NACC2: variants seen among roughly 807,000 people sequenced by gnomAD.
NACC2 encodes the protein NACC family member 2.
In NACC2, 8 loss-of-function variants were observed where a neutral mutation model predicts 25.1. That is an observed-to-expected ratio of 0.32 (90% CI 0.19 to 0.57). NACC2 has a LOEUF of 0.57. Among genes scored for constraint, NACC2 ranks in the 20% least tolerant of loss-of-function variants. NACC2 has a pLI of 0.89. For missense variants in NACC2, 644 were observed against 650.2 expected (o/e 0.99, Z 0.10); for synonymous variants, 435 against 294.7 (o/e 1.48, Z -4.88).
intron 2 of NACC2, among the ~76,000 whole-genome samples, chr9:136,045,645 C>T (rs1840711816): frequency 6.6e-6 from 1 of 152,190 alleles, no homozygotes; most frequent in South Asian, 2.1e-4. Context: ...ACTACCCCTT[C>T]CCTCTGCGAG....
chr9:136,013,155 C>G lies in NACC2; in HGVS notation c.1255+44G>C, dbSNP rs767413634. On this transcript the variant is annotated intron_variant, in intron 5 of 5. Coordinates refer to ENST00000277554, the MANE Select transcript of NACC2 (RefSeq NM_144653.5). This position sits in a 1 kb window ranked among gnomAD's most constrained non-coding sequence, Gnocchi z 6.6. ...AGTCCTCCTCAGGCTGGGATCTGAA[C>G]CCAGCCCCGGCCCCACCCACCCGAG... The G allele has an allele frequency of 1.0e-6, 1 of 967,538 alleles. No homozygotes were observed. The highest frequency in any genetic ancestry group is 1.6e-6 in the Non-Finnish European group (1 of 607,882). 59.9% of individuals were successfully genotyped at this position (967,538 alleles called of 1,614,324 possible).
At chr9:136,059,107 C>A (rs1339864545) in intron 1 of NACC2, among the ~76,000 whole-genome samples, 1 of 152,234 alleles carries the variant, frequency 6.6e-6, no homozygotes, top group African/African-American at 2.4e-5. Flanking sequence ...GCCCCAACCC[C>A]TGCAAGCAGC....
chr9:136,046,705 T>C (rs1214984085), intron 2 of NACC2, among the ~76,000 whole-genome samples: 2 of 152,284 alleles, frequency 1.3e-5, no homozygotes, highest in African/African-American at 4.8e-5. Flanking sequence ...GAATGTCCTT[T>C]GATAAGGCAC....
chr9:136,046,204 A>G (rs891274791), intron 2 of NACC2, among the ~76,000 whole-genome samples: 54 of 151,732 alleles, frequency 3.6e-4, no homozygotes, highest in Non-Finnish European at 6.5e-4. Flanking sequence ...ATGGGGGTGC[A>G]GGGGAGGCGG....
intron 1 of NACC2, among the ~76,000 whole-genome samples, chr9:136,064,975 T>C (rs543360123): frequency 4.6e-5 from 7 of 152,330 alleles, no homozygotes; most frequent in Non-Finnish European, 7.3e-5. Context: ...CTTTTCAAAA[T>C]GTGGTGCTGG....
At chr9:136,042,199 G>C (rs2131155336) in intron 2 of NACC2, among the ~76,000 whole-genome samples, 1 of 152,212 alleles carries the variant, frequency 6.6e-6, no homozygotes, top group East Asian at 1.9e-4. Context: ...TGTTGGCAAG[G>C]CTGGTCTCGA....
intron 1 of NACC2, among the ~76,000 whole-genome samples, chr9:136,066,553 G>A (rs1841083721): frequency 6.6e-6 from 1 of 152,172 alleles, no homozygotes; most frequent in South Asian, 2.1e-4. Context: ...CAAAATGTTA[G>A]GGCCACTTAT....
At chr9:136,071,169 G>A (rs1431300654) in intron 1 of NACC2, among the ~76,000 whole-genome samples, 1 of 151,652 alleles carries the variant, frequency 6.6e-6, no homozygotes, top group Non-Finnish European at 1.5e-5. Context: ...GGAGGCAGAC[G>A]TTGCGGTGAG....
chr9:136,059,626 C>G (rs533701378), intron 1 of NACC2, among the ~76,000 whole-genome samples: 15 of 152,234 alleles, frequency 9.9e-5, no homozygotes, highest in Non-Finnish European at 1.5e-4. Flanking sequence ...AGCAAGGAAC[C>G]TGAGCAGGCC....
At chr9:136,092,268 C>G (rs1235125757) in intron 1 of NACC2, among the ~76,000 whole-genome samples, 2 of 148,810 alleles carry the variant, frequency 1.3e-5, no homozygotes, top group Non-Finnish European at 2.9e-5. Context: ...GGAGCTGGGT[C>G]TGCAGACACT....
At chr9:136,029,885 C>T (rs370547554) in intron 2 of NACC2, among the ~76,000 whole-genome samples, 4 of 152,098 alleles carry the variant, frequency 2.6e-5, no homozygotes, top group East Asian at 1.9e-4. Flanking sequence ...GGATCCGGGC[C>T]GGTAGTGCAA....
chr9:136,062,005 A>T (rs1269830397), intron 1 of NACC2, among the ~76,000 whole-genome samples: 3 of 152,098 alleles, frequency 2.0e-5, no homozygotes, highest in African/African-American at 7.2e-5. Flanking sequence ...CTGTAATCCC[A>T]GCTACTCAGG....
At chr9:136,067,906 C>T (rs1485611753) in intron 1 of NACC2, among the ~76,000 whole-genome samples, 1 of 152,196 alleles carries the variant, frequency 6.6e-6, no homozygotes, top group East Asian at 1.9e-4. Context: ...TAGCCTAGTG[C>T]TCCTGGGCTA....
At chr9:136,090,510 AT>A (rs1462815923) in intron 1 of NACC2, among the ~76,000 whole-genome samples, 1 of 151,502 alleles carries the variant, frequency 6.6e-6, no homozygotes, top group East Asian at 2.0e-4. Flanking sequence ...GGGCACTAGC[AT>A]TTTGTGGGGT....
At chr9:136,058,285 C>T (rs2131168904) in intron 1 of NACC2, among the ~76,000 whole-genome samples, 2 of 152,356 alleles carry the variant, frequency 1.3e-5, no homozygotes, top group Middle Eastern at 3.4e-3. Context: ...CCCGCAGCAC[C>T]TCATGGCCAC....
intron 1 of NACC2, among the ~76,000 whole-genome samples, chr9:136,058,085 A>G (rs1394564030): frequency 6.6e-6 from 1 of 151,642 alleles, no homozygotes; most frequent in East Asian, 2.0e-4. Context: ...ACACAGAAAC[A>G]CTACATCAGC....
intron 2 of NACC2, among the ~76,000 whole-genome samples, chr9:136,044,322 C>T (rs1203393315): frequency 3.3e-5 from 5 of 152,164 alleles, no homozygotes; most frequent in African/African-American, 1.2e-4. Flanking sequence ...TCGAGGCCAC[C>T]TGGACAATAT....
intron 2 of NACC2, among the ~76,000 whole-genome samples, chr9:136,036,429 A>C (rs1006901100): frequency 6.6e-6 from 1 of 152,258 alleles, no homozygotes; most frequent in Non-Finnish European, 1.5e-5. Flanking sequence ...AAACAGACCA[A>C]GAAATGACAA....
intron 2 of NACC2, among the ~76,000 whole-genome samples, chr9:136,034,112 G>A (rs1840517557): frequency 6.6e-6 from 1 of 152,074 alleles, no homozygotes; most frequent in Non-Finnish European, 1.5e-5. Context: ...GAGATCAAGG[G>A]TATAGAACAG....
Sources: gnomAD v4.1 joint callset for allele counts (sites outside exome capture counted in the v4.1 genomes callset) on GRCh38, gnomAD v4.1.1 for gene constraint, Gnocchi (gnomAD v3.1) non-coding constraint, MANE v1.5 for transcripts, NCBI Gene and HGNC (gene_info 2026-07-23, HGNC 2026-07-21) for gene names.